ENOX1: variants seen among roughly 807,000 people sequenced by gnomAD.
ENOX1 encodes the protein ecto-NOX disulfide-thiol exchanger 1.
A neutral mutation model predicts 82.5 loss-of-function variants in ENOX1; 42 were observed. That is an observed-to-expected ratio of 0.51 (90% confidence interval 0.40 to 0.66). The LOEUF is 0.66. ENOX1 is among the 30% of genes least tolerant of loss of function. The pLI, the probability that ENOX1 is intolerant of heterozygous loss-of-function variation, is 0.00. For missense variants in ENOX1, 608 were observed against 811.6 expected (o/e 0.75, Z 3.05); for synonymous variants, 271 against 282.2 (o/e 0.96, Z 0.40).
At chr13:43,284,236 C>T (rs2045562428) in intron 12 of ENOX1, among the ~76,000 whole-genome samples, 1 of 152,036 alleles carries the variant, frequency 6.6e-6, no homozygotes, top group Admixed American at 6.6e-5. Flanking sequence ...AGTTAAGTGG[C>T]ACTGAAGATA....
chr13:43,702,146 C>T (rs2086942008), intron 1 of ENOX1, among the ~76,000 whole-genome samples: 2 of 152,044 alleles, frequency 1.3e-5, no homozygotes, highest in Admixed American at 6.5e-5. Flanking sequence ...CCCTTTAGAC[C>T]CAGCCAAGTT....
chr13:43,613,995 A>C (rs1336220398), intron 2 of ENOX1, among the ~76,000 whole-genome samples: 1 of 152,182 alleles, frequency 6.6e-6, no homozygotes, highest in Non-Finnish European at 1.5e-5. Context: ...ATTCCACAAT[A>C]ATGAAAAATA....
At chr13:43,400,427 A>G (rs2053430551) in intron 5 of ENOX1, among the ~76,000 whole-genome samples, 1 of 152,206 alleles carries the variant, frequency 6.6e-6, no homozygotes, top group South Asian at 2.1e-4. Context: ...GGTTGACTCA[A>G]GTCCATCTCA....
intron 13 of ENOX1, 114 bp downstream of exon 13, chr13:43,269,356 A>T: frequency 1.2e-6 from 1 of 807,958 alleles, no homozygotes; most frequent in South Asian, 1.6e-5. Context: ...CAGGGTTCAG[A>T]CTAATTGTAC....
At chr13:43,706,393 C>T (rs1191063460) in intron 1 of ENOX1, among the ~76,000 whole-genome samples, 4 of 151,670 alleles carry the variant, frequency 2.6e-5, no homozygotes, top group Non-Finnish European at 5.9e-5. Flanking sequence ...AGGAGCATAC[C>T]ACAACACAAT....
Position 43,630,069 on chromosome 13 carries a change from T to C in ENOX1, c.-219+37410A>G, listed in dbSNP as rs76564377. Among the ~76,000 whole-genome samples, 1,000 of 152,318 alleles carry C rather than the reference T, an allele frequency of 6.6e-3. 8 individuals are homozygous for C. The highest frequency in any genetic ancestry group is 0.023 in the African/African-American group (968 of 41,566). On this transcript the variant is annotated intron_variant, in intron 2 of 16. Coordinates refer to ENST00000690772, the MANE Select transcript of ENOX1 (RefSeq NM_001347969.2). ...AACAAAACTTCCCTGAAGTTTGAGG[T>C]ATTTTATTGGGACTATTCCCTAATC...
At chr13:43,635,800 T>C (rs1439857517) in intron 2 of ENOX1, among the ~76,000 whole-genome samples, 1 of 151,998 alleles carries the variant, frequency 6.6e-6, no homozygotes, top group African/African-American at 2.4e-5. Flanking sequence ...ACACATGCAC[T>C]GAAATGGGCA....
intron 12 of ENOX1, among the ~76,000 whole-genome samples, chr13:43,271,971 C>T (rs1397199256): frequency 1.3e-5 from 2 of 151,924 alleles, no homozygotes; most frequent in African/African-American, 4.8e-5. Flanking sequence ...AAGATCCATC[C>T]ATGTTACTAT....
intron 1 of ENOX1, among the ~76,000 whole-genome samples, chr13:43,712,158 G>A (rs1176676283): frequency 6.8e-6 from 1 of 147,578 alleles, no homozygotes; most frequent in Non-Finnish European, 1.5e-5. Context: ...AGTTTTCCCA[G>A]CACCATTTAT....
rs147235994 is a variant in ENOX1, at chr13:43,556,690, T to C, written c.-218-72538A>G. On this transcript the variant is annotated intron_variant, in intron 2 of 16. Transcript: ENST00000690772. ...TATCATGCTTGGGCTTGATGATAAT[T>C]ATATCAAAGAAAGTTCCCAGAAGGT... 2.7e-5 allele frequency among the ~76,000 whole-genome samples: 4 copies of C among 150,766 alleles called. No homozygotes were observed. In the East Asian group the frequency reaches 7.8e-4, roughly 29 times the overall value.
chr13:43,733,689 T>TA (rs998075900), intron 1 of ENOX1, among the ~76,000 whole-genome samples: 3 of 151,972 alleles, frequency 2.0e-5, no homozygotes, highest in Non-Finnish European at 4.4e-5. Context: ...ATCATTGACA[T>TA]AAAAAAAAGC....
intron 2 of ENOX1, among the ~76,000 whole-genome samples, chr13:43,631,698 TTTA>T (rs1052876583): frequency 1.3e-5 from 2 of 152,146 alleles, no homozygotes; most frequent in African/African-American, 4.8e-5. Context: ...CAAGTAGGCT[TTTA>T]TTATTTTTTC....
At chr13:43,505,314 G>C (rs960613551) in intron 2 of ENOX1, among the ~76,000 whole-genome samples, 1 of 151,920 alleles carries the variant, frequency 6.6e-6, no homozygotes, top group Non-Finnish European at 1.5e-5. Context: ...GAAAGCTACA[G>C]CCTAAGTACA....
rs182107059 is a variant in ENOX1, at chr13:43,701,617, T to C, written c.-284-34073A>G. Among the ~76,000 whole-genome samples the C allele has an allele frequency of 2.6e-3, 400 of 152,296 alleles. 7 individuals carry two copies. The highest frequency in any genetic ancestry group is 2.9e-3 in the Non-Finnish European group (200 of 68,000). The stretch of plus-strand genomic sequence containing the variant: ...TTCATAAATAAATCCCCTTTTAAAA[T>C]GCAAATACATATCTTTTAAAGAATT... On this transcript the variant is annotated intron_variant, in intron 1 of 16. Transcript: ENST00000690772.
At chr13:43,687,480 G>A (rs2086135331) in intron 1 of ENOX1, among the ~76,000 whole-genome samples, 1 of 152,100 alleles carries the variant, frequency 6.6e-6, no homozygotes, top group South Asian at 2.1e-4. Flanking sequence ...TACAGAGTTT[G>A]TCTCTTCCCC....
chr13:43,440,149 G>A (rs1000809576), intron 3 of ENOX1, among the ~76,000 whole-genome samples: 3 of 152,110 alleles, frequency 2.0e-5, no homozygotes, highest in African/African-American at 4.8e-5. Flanking sequence ...GCTAAACCTC[G>A]TTCCTGTTCC....
chr13:43,409,846 C>T (rs1423213906), intron 5 of ENOX1, among the ~76,000 whole-genome samples: 1 of 152,082 alleles, frequency 6.6e-6, no homozygotes, highest in Admixed American at 6.6e-5. Flanking sequence ...CCAAACACAA[C>T]AGAACCTGAC....
intron 3 of ENOX1, among the ~76,000 whole-genome samples, chr13:43,413,584 G>C (rs1009051320): frequency 6.6e-6 from 1 of 151,638 alleles, no homozygotes; most frequent in Non-Finnish European, 1.5e-5. Flanking sequence ...GAGGGTGTTA[G>C]GGAGGCAAAG....
chr13:43,457,352 G>A (rs1005441332), intron 3 of ENOX1, among the ~76,000 whole-genome samples: 1 of 152,166 alleles, frequency 6.6e-6, no homozygotes, highest in Non-Finnish European at 1.5e-5. Flanking sequence ...GGGATTATCA[G>A]GCAAGGTCAA....
Sources: allele counts gnomAD v4.1 joint callset (sites outside exome capture counted in the v4.1 genomes callset), GRCh38; gene constraint gnomAD v4.1.1; transcripts MANE v1.5; gene names NCBI Gene and HGNC (gene_info 2026-07-23, HGNC 2026-07-21).